CEP112: variants seen among roughly 807,000 people sequenced by gnomAD.
The protein encoded by CEP112 is centrosomal protein of 112 kDa.
In CEP112, 127 loss-of-function variants were observed where a neutral mutation model predicts 153.0. The observed-to-expected ratio is 0.83, with a 90% CI of 0.72 to 0.96. The LOEUF (loss-of-function observed/expected upper bound fraction) is 0.96, where lower values mean the gene tolerates loss of function less well. Among genes scored for constraint, CEP112 ranks in the 40% least tolerant of loss-of-function variants. CEP112 has a pLI of 0.00. For synonymous variants in CEP112, 358 were observed against 374.4 expected (o/e 0.96, Z 0.51); for missense variants, 1,089 against 1,101.2 (o/e 0.99, Z 0.16).
intron 11 of CEP112, among the ~76,000 whole-genome samples, chr17:66,059,162 T>A (rs1468149076): frequency 6.6e-6 from 1 of 152,040 alleles, no homozygotes; most frequent in Non-Finnish European, 1.5e-5. Flanking sequence ...CAGGATAGAT[T>A]AAAGACTTAA....
At chr17:65,920,376 TA>T (rs2060667767) in intron 19 of CEP112, among the ~76,000 whole-genome samples, 2 of 85,742 alleles carry the variant, frequency 2.3e-5, no homozygotes, top group Non-Finnish European at 4.6e-5. Context: ...TATATATATA[TA>T]TATATATATA....
chr17:65,669,651 C>T (rs2046868083), intron 24 of CEP112, among the ~76,000 whole-genome samples: 1 of 152,170 alleles, frequency 6.6e-6, no homozygotes, highest in Non-Finnish European at 1.5e-5. Context: ...TGCCTGTAAT[C>T]CCAGCACTTT....
chr17:65,749,868 A>G (rs1797803020), intron 22 of CEP112, among the ~76,000 whole-genome samples: 1 of 148,956 alleles, frequency 6.7e-6, no homozygotes, highest in African/African-American at 2.5e-5. Flanking sequence ...GTATATATAT[A>G]TAAAAATATG....
At chr17:66,047,003 C>T (rs758947744) in intron 12 of CEP112, among the ~76,000 whole-genome samples, 1 of 152,214 alleles carries the variant, frequency 6.6e-6, no homozygotes, top group Admixed American at 6.5e-5. Context: ...ATTTCTGTTG[C>T]TTTAAGCCAC....
intron 20 of CEP112, among the ~76,000 whole-genome samples, chr17:65,874,993 A>G (rs2058776302): frequency 6.6e-6 from 1 of 152,084 alleles, no homozygotes. Flanking sequence ...TAACCCTAAA[A>G]TGTATATACC....
chr17:65,787,603 T>G (rs1323149874), intron 21 of CEP112, among the ~76,000 whole-genome samples: 2 of 152,228 alleles, frequency 1.3e-5, no homozygotes, highest in East Asian at 3.8e-4. Flanking sequence ...GGTATATTTC[T>G]CCATGATTTA....
chr17:65,809,923 C>A (rs954478040), intron 21 of CEP112, among the ~76,000 whole-genome samples: 4 of 152,182 alleles, frequency 2.6e-5, no homozygotes, highest in African/African-American at 4.8e-5. Flanking sequence ...AGGAGAAATT[C>A]CTGGAGACCA....
intron 6 of CEP112, among the ~76,000 whole-genome samples, chr17:66,117,074 T>A (rs1009993574): frequency 5.3e-5 from 8 of 152,006 alleles, no homozygotes; most frequent in African/African-American, 1.9e-4. Flanking sequence ...AATACAAAAA[T>A]TAGTAGAGAC....
At chr17:66,149,877 TTTG>T (rs1470492060) in intron 4 of CEP112, among the ~76,000 whole-genome samples, 6 of 64,402 alleles carry the variant, frequency 9.3e-5, no homozygotes, top group Non-Finnish European at 1.4e-4. Flanking sequence ...GGTTTTTTTT[TTTG>T]TTTGTTTGTT....
intron 18 of CEP112, among the ~76,000 whole-genome samples, chr17:65,951,737 T>TCCC (rs1234164653): frequency 1.0e-5 from 1 of 96,922 alleles, no homozygotes; most frequent in Non-Finnish European, 2.1e-5. Flanking sequence ...GCTCTAATCT[T>TCCC]CCCCCGCCCC....
chr17:65,863,241 C>A (rs2058367645), intron 20 of CEP112, among the ~76,000 whole-genome samples: 1 of 152,074 alleles, frequency 6.6e-6, no homozygotes, highest in Non-Finnish European at 1.5e-5. Flanking sequence ...AAAGAATTTT[C>A]TTTCATTTTA....
At chr17:65,929,551 C>T (rs2061048743) in intron 18 of CEP112, among the ~76,000 whole-genome samples, 1 of 152,044 alleles carries the variant, frequency 6.6e-6, no homozygotes. Flanking sequence ...CCACCTAGTC[C>T]CCCTATCCCT....
intron 24 of CEP112, among the ~76,000 whole-genome samples, chr17:65,656,220 A>C (rs768965007): frequency 6.6e-6 from 1 of 152,232 alleles, no homozygotes; most frequent in Non-Finnish European, 1.5e-5. Flanking sequence ...GACTTTCCCC[A>C]TTGATGTCAT....
chr17:66,113,028 C>G (rs2069127941), intron 6 of CEP112, among the ~76,000 whole-genome samples: 1 of 151,940 alleles, frequency 6.6e-6, no homozygotes, highest in African/African-American at 2.4e-5. Flanking sequence ...GAGATCACAC[C>G]ATTGCACTCC....
intron 18 of CEP112, among the ~76,000 whole-genome samples, chr17:65,956,884 C>A (rs879507026): frequency 2.6e-5 from 4 of 152,100 alleles, no homozygotes; most frequent in African/African-American, 4.8e-5. Context: ...TGTTCTAAGA[C>A]CCTCAGTGGA....
At chr17:66,026,436 T>C (rs1004578126) in intron 16 of CEP112, among the ~76,000 whole-genome samples, 1 of 144,848 alleles carries the variant, frequency 6.9e-6, no homozygotes, top group Non-Finnish European at 1.5e-5. Context: ...TTTCAAGTAG[T>C]AGTCAGTACT....
chr17:65,803,715 G>T (rs558206031), intron 21 of CEP112, among the ~76,000 whole-genome samples: 1 of 152,092 alleles, frequency 6.6e-6, no homozygotes, highest in South Asian at 2.1e-4. Flanking sequence ...GATCATCCAC[G>T]TTAGAAGTTT....
chr17:65,642,585 A>G (rs2045203463), intron 24 of CEP112, among the ~76,000 whole-genome samples: 1 of 152,130 alleles, frequency 6.6e-6, no homozygotes, highest in South Asian at 2.1e-4. Context: ...ATAAAACATG[A>G]TCTCTCCCAC....
At chr17:65,785,530 T>C (rs1217897453) in intron 21 of CEP112, among the ~76,000 whole-genome samples, 2 of 152,236 alleles carry the variant, frequency 1.3e-5, no homozygotes, top group South Asian at 2.1e-4. Context: ...TGGTATCTCA[T>C]TGTTGTTCTG....
Sources: allele counts gnomAD v4.1 joint callset (sites outside exome capture counted in the v4.1 genomes callset), GRCh38; gene constraint gnomAD v4.1.1; transcripts MANE v1.5; gene names NCBI Gene and HGNC (gene_info 2026-07-23, HGNC 2026-07-21).